DTD1: variants seen among roughly 807,000 people sequenced by gnomAD.
The protein encoded by DTD1 is D-tyrosyl-tRNA deacylase 1 homolog.
A neutral mutation model predicts 25.6 loss-of-function variants in DTD1; 13 were observed. The observed-to-expected ratio is 0.51, with a 90% CI of 0.33 to 0.81. The LOEUF (loss-of-function observed/expected upper bound fraction) is 0.81, where lower values mean the gene tolerates loss of function less well. DTD1 is among the 30% of genes least tolerant of loss of function. The pLI is 0.02. For missense variants in DTD1, 193 were observed against 266.4 expected (o/e 0.72, Z 1.92); for synonymous variants, 110 against 103.6 (o/e 1.06, Z -0.37).
chr20:18,591,914 C>T (rs1178305416), intron 1 of DTD1, among the ~76,000 whole-genome samples: 11 of 152,090 alleles, frequency 7.2e-5, no homozygotes, highest in Non-Finnish European at 7.4e-5. Context: ...GTCACACACA[C>T]ATAGTTCATT....
chr20:18,730,454 G>A (rs2061236164), intron 4 of DTD1, among the ~76,000 whole-genome samples: 1 of 152,126 alleles, frequency 6.6e-6, no homozygotes, highest in Admixed American at 6.5e-5. Context: ...TCAAACCCTT[G>A]CAAAGGCTGA....
chr20:18,697,575 A>G (rs2061083050), intron 4 of DTD1, among the ~76,000 whole-genome samples: 2 of 152,232 alleles, frequency 1.3e-5, no homozygotes, highest in Non-Finnish European at 2.9e-5. Context: ...CTCCAGTGAA[A>G]TTCACTTTGA....
intron 4 of DTD1, among the ~76,000 whole-genome samples, chr20:18,721,110 T>C (rs2061201470): frequency 6.6e-6 from 1 of 152,218 alleles, no homozygotes; most frequent in African/African-American, 2.4e-5. Context: ...TCGAGTACTT[T>C]AGTATAATGC....
chr20:18,686,623 C>A (rs1399459237), intron 4 of DTD1, among the ~76,000 whole-genome samples: 1 of 149,444 alleles, frequency 6.7e-6, no homozygotes, highest in Non-Finnish European at 1.5e-5. Context: ...TGAGGTTGAA[C>A]CTTTTAAACA....
intron 4 of DTD1, among the ~76,000 whole-genome samples, chr20:18,650,072 C>T (rs1248313544): frequency 1.3e-5 from 2 of 152,008 alleles, no homozygotes; most frequent in Admixed American, 6.6e-5. Flanking sequence ...AAACAACACA[C>T]AAAAAACCTA....
At chr20:18,620,111 C>T (rs2060727309) in intron 3 of DTD1, 1 of 152,120 alleles carries the variant, frequency 6.6e-6, no homozygotes, top group Admixed American at 6.5e-5. Flanking sequence ...GCTTTCCTAC[C>T]AGGTAAGGTG....
intron 4 of DTD1, among the ~76,000 whole-genome samples, chr20:18,667,177 C>T (rs966600230): frequency 3.9e-5 from 6 of 152,308 alleles, no homozygotes; most frequent in South Asian, 2.1e-4. Context: ...CCCGACCTCT[C>T]GTTTCATGAA....
chr20:18,626,467 CAT>C lies in DTD1; in HGVS notation c.371-1659_371-1658del, dbSNP rs140462153. ...AAACATGCAGCATAAGCGTGTCTAACATGTGCTTAACCTGCAGCTCTGGGTAG... is the reference window on the plus strand; with the variant it reads ...AAACATGCAGCATAAGCGTGTCTAACGTGCTTAACCTGCAGCTCTGGGTAG... On this transcript the variant is annotated intron_variant, in intron 3 of 5. Coordinates refer to ENST00000377452, the MANE Select transcript of DTD1 (RefSeq NM_080820.6). Among the ~76,000 whole-genome samples, 508 of 152,332 alleles carry C rather than the reference CAT, an allele frequency of 3.3e-3. 2 individuals carry two copies. The highest frequency in any genetic ancestry group is 6.1e-3 in the Non-Finnish European group (412 of 68,036).
intron 4 of DTD1, among the ~76,000 whole-genome samples, chr20:18,708,113 C>T (rs2061133618): frequency 7.1e-6 from 1 of 141,560 alleles, no homozygotes; most frequent in African/African-American, 2.7e-5. Flanking sequence ...CACACTGGAT[C>T]AAAGATGTAG....
rs181172239 is a variant in DTD1, at chr20:18,704,068, T to G, written c.478-40032T>G. On this transcript the variant is annotated intron_variant, in intron 4 of 5. Transcript: ENST00000377452. ...TAGGCTAGAGTGCAGTGGCGCAATCTTGGCTCACTGCAAGCTCCGCCTCTG... is the reference window on the plus strand; with the variant it reads ...TAGGCTAGAGTGCAGTGGCGCAATCGTGGCTCACTGCAAGCTCCGCCTCTG... 4.6e-3 allele frequency among the ~76,000 whole-genome samples: 705 copies of G among 151,796 alleles called. 4 individuals are homozygous for G. Among genetic ancestry groups the G allele is most frequent in the African/African-American group, 0.016 (660 of 41,332 alleles).
chr20:18,683,381 A>G (rs909715976), intron 4 of DTD1, among the ~76,000 whole-genome samples: 2 of 152,164 alleles, frequency 1.3e-5, no homozygotes, highest in African/African-American at 2.4e-5. Context: ...AATATTGTCT[A>G]AGACATTATG....
intron 1 of DTD1, chr20:18,588,832 CAG>C: frequency 1.0e-6 from 1 of 985,398 alleles, no homozygotes; most frequent in African/African-American, 1.7e-5. Flanking sequence ...GGTTGGGCAT[CAG>C]AGGTCCAGAT....
At chr20:18,648,375 G>A (rs1463463737) in intron 4 of DTD1, among the ~76,000 whole-genome samples, 1 of 152,206 alleles carries the variant, frequency 6.6e-6, no homozygotes, top group African/African-American at 2.4e-5. Flanking sequence ...TGGGACCAGA[G>A]ATGGTTGCGT....
At chr20:18,598,209 ATAAG>A (rs1381535025) in intron 3 of DTD1, among the ~76,000 whole-genome samples, 1 of 151,278 alleles carries the variant, frequency 6.6e-6, no homozygotes, top group Non-Finnish European at 1.5e-5. Flanking sequence ...ACTCCCACTT[ATAAG>A]TAAGAACATG....
chr20:18,699,869 ATTCCT>A (rs2061096280), intron 4 of DTD1, among the ~76,000 whole-genome samples: 2 of 152,226 alleles, frequency 1.3e-5, no homozygotes, highest in African/African-American at 4.8e-5. Flanking sequence ...GAGTTCTCAT[ATTCCT>A]TTTACCCAGC....
chr20:18,639,634 A>G lies in DTD1; in HGVS notation c.477+11401A>G, dbSNP rs576987536. Among the ~76,000 whole-genome samples, 3 of 152,322 alleles carry G rather than the reference A, an allele frequency of 2.0e-5. No individual in the cohort carries two copies. The South Asian group carries it at 6.2e-4, about 32-fold the overall frequency. On this transcript the variant is annotated intron_variant, in intron 4 of 5. Transcript: ENST00000377452. The stretch of plus-strand genomic sequence containing the variant: ...TATACCTCACTAGCTCCACCATCGC[A>G]ATTATTTCTGTCAAAACGAAACACA...
rs149297027 is a variant in DTD1, at chr20:18,763,602, G to T, written c.*262G>T. ...GGTGCGCATGTGGTAGAAGGTGTGC[G>T]CTCGTGCCTCCCCCACAGAAAGGCT... On this transcript the variant is annotated 3_prime_UTR_variant, in exon 6 of 6. Coordinates refer to ENST00000377452, the MANE Select transcript of DTD1 (RefSeq NM_080820.6). The T allele has an allele frequency of 4.6e-5, 7 of 152,806 alleles. No homozygotes were observed. The highest frequency in any genetic ancestry group is 1.7e-4 in the African/African-American group (7 of 41,582). 9.5% of individuals were successfully genotyped at this position (152,806 alleles called of 1,614,324 possible).
At position 18,707,455 on chromosome 20, in the gene DTD1, C is replaced by T. The variant is rs143402717; in HGVS notation, c.478-36645C>T. ...TCACTCATATATGCACCTGGTCTTA[C>T]CCAATATACCAAACTGTGGTGGTGG... On this transcript the variant is annotated intron_variant, in intron 4 of 5. Transcript: ENST00000377452. Among the ~76,000 whole-genome samples, 399 of 152,258 alleles carry T rather than the reference C, an allele frequency of 2.6e-3. 2 individuals are homozygous for T. Among genetic ancestry groups the T allele is most frequent in the Admixed American group, 5.2e-3 (80 of 15,304 alleles).
At chr20:18,633,710 C>T (rs1004020403) in intron 4 of DTD1, among the ~76,000 whole-genome samples, 1 of 152,112 alleles carries the variant, frequency 6.6e-6, no homozygotes, top group African/African-American at 2.4e-5. Flanking sequence ...GAAGGGATTC[C>T]CAATTATTGT....
Sources: gnomAD v4.1 joint callset for allele counts (sites outside exome capture counted in the v4.1 genomes callset) on GRCh38, gnomAD v4.1.1 for gene constraint, MANE v1.5 for transcripts, NCBI Gene and HGNC (gene_info 2026-07-23, HGNC 2026-07-21) for gene names.